The following EPM2A variants were observed in gnomAD, a reference collection of about 807,000 sequenced individuals.
The protein encoded by EPM2A is laforin.
In EPM2A, 21 loss-of-function variants were observed where a neutral mutation model predicts 26.5. The ratio of observed to expected loss-of-function variants is 0.79; its 90% confidence interval spans 0.56 to 1.14. The LOEUF is 1.14. EPM2A is among the 50% of genes most tolerant of loss of function. The probability of loss-of-function intolerance (pLI) is 0.00; values close to 1 mark genes in which losing one functional copy is unlikely to be tolerated. For synonymous variants in EPM2A, 217 were observed against 177.6 expected (o/e 1.22, Z -1.76); for missense variants, 458 against 440.8 (o/e 1.04, Z -0.35).
chr6:145,635,508 AACTATC>A, intron 2 of EPM2A, 22 bp from the exon 3 acceptor site: 1 of 1,613,280 alleles, frequency 6.2e-7, no homozygotes, highest in East Asian at 2.2e-5. Flanking sequence ...ATATGGAGAC[AACTATC>A]ACTAGTGTTG....
intron 1 of EPM2A, 83 bp from the exon 2 acceptor site, chr6:145,686,379 T>C (rs1429100630): frequency 3.7e-6 from 4 of 1,090,458 alleles, no homozygotes; most frequent in Non-Finnish European, 5.6e-6. Flanking sequence ...ACAAAATTAA[T>C]AGCAAGAAAA....
exon 5 of EPM2A, chr6:145,383,925 T>C (rs1268283123): frequency 6.6e-6 from 1 of 152,214 alleles, no homozygotes; most frequent in Non-Finnish European, 1.5e-5. Flanking sequence ...TGTTAAATCA[T>C]GTTGATAGAT....
intron 1 of EPM2A, among the ~76,000 whole-genome samples, chr6:145,733,118 T>A (rs1412660593): frequency 6.6e-6 from 1 of 152,196 alleles, no homozygotes; most frequent in Non-Finnish European, 1.5e-5. Flanking sequence ...ATAAATTATA[T>A]AAAACTTGAT....
At chr6:145,653,741 G>A (rs771692698) in intron 2 of EPM2A, among the ~76,000 whole-genome samples, 52 of 152,158 alleles carry the variant, frequency 3.4e-4, no homozygotes, top group East Asian at 7.7e-4. Flanking sequence ...CCTCTTCTGG[G>A]GAAGTCAGTC....
intron 2 of EPM2A, among the ~76,000 whole-genome samples, chr6:145,538,170 G>T (rs1780458879): frequency 6.6e-6 from 1 of 152,064 alleles, no homozygotes; most frequent in Admixed American, 6.6e-5. Flanking sequence ...GATCCTTGAG[G>T]AATCACCACA....
chr6:145,687,189 G>A (rs954184487), intron 1 of EPM2A, among the ~76,000 whole-genome samples: 1 of 152,086 alleles, frequency 6.6e-6, no homozygotes, highest in African/African-American at 2.4e-5. Context: ...AGGTCATGAA[G>A]AAGAACCCTC....
intron 2 of EPM2A, among the ~76,000 whole-genome samples, chr6:145,533,921 A>T (rs1582831219): frequency 6.6e-6 from 1 of 152,182 alleles, no homozygotes; most frequent in Non-Finnish European, 1.5e-5. Flanking sequence ...ATATTGGTGT[A>T]TCTCTAGCAA....
At chr6:145,615,893 G>A (rs764644353) in intron 2 of EPM2A, among the ~76,000 whole-genome samples, 5 of 152,082 alleles carry the variant, frequency 3.3e-5, no homozygotes, top group South Asian at 2.1e-4. Flanking sequence ...GATGTGACTC[G>A]GGTGCTGTTA....
chr6:145,541,581 G>A (rs559682043), intron 2 of EPM2A, among the ~76,000 whole-genome samples: 8 of 152,082 alleles, frequency 5.3e-5, no homozygotes, highest in Non-Finnish European at 7.4e-5. Flanking sequence ...GTGTCAAAAC[G>A]AGTCAAGAAT....
intron 4 of EPM2A, among the ~76,000 whole-genome samples, chr6:145,447,180 A>C (rs1779138124): frequency 6.6e-6 from 1 of 152,164 alleles, no homozygotes; most frequent in Non-Finnish European, 1.5e-5. Flanking sequence ...CTGAAGGAAG[A>C]AATAAAAGAA....
intron 2 of EPM2A, among the ~76,000 whole-genome samples, chr6:145,681,047 G>T (rs1780490171): frequency 6.6e-6 from 1 of 152,144 alleles, no homozygotes; most frequent in African/African-American, 2.4e-5. Flanking sequence ...ATCCTCTCCA[G>T]CACCTGTTGT....
intron 4 of EPM2A, among the ~76,000 whole-genome samples, chr6:145,423,452 T>C (rs1778815257): frequency 6.6e-6 from 1 of 152,116 alleles, no homozygotes; most frequent in African/African-American, 2.4e-5. Context: ...TATGAGATGG[T>C]ACCTAAGATA....
intron 2 of EPM2A, among the ~76,000 whole-genome samples, chr6:145,642,660 A>G (rs75291044): frequency 0.022 from 3,410 of 152,312 alleles, 47 homozygotes; most frequent in Admixed American, 0.031. Flanking sequence ...GATTTTAGAT[A>G]AGACAGGAAG....
At chr6:145,459,141 C>A (rs1371312202) in intron 4 of EPM2A, among the ~76,000 whole-genome samples, 1 of 152,116 alleles carries the variant, frequency 6.6e-6, no homozygotes, top group Admixed American at 6.5e-5. Context: ...GAACACAACT[C>A]TGAATACAGT....
At position 145,442,842 on chromosome 6, in the gene EPM2A, G is replaced by T. The variant is rs563086831; in HGVS notation, c.556-58745C>A. ...GTAGTACAGTTTGAAGTTTCACAAG[G>T]TTATTCTTTGTTCTTTCTTACTATT... On this transcript the variant is annotated intron_variant, in intron 4 of 4. Coordinates refer to the EPM2A transcript ENST00000638717. 6.1e-5 allele frequency among the ~76,000 whole-genome samples: 9 copies of T among 147,036 alleles called. No homozygotes were observed. In the South Asian group the frequency reaches 2.0e-3, roughly 33 times the overall value.
chr6:145,393,782 C>T (rs1778368585), intron 4 of EPM2A, among the ~76,000 whole-genome samples: 1 of 151,828 alleles, frequency 6.6e-6, no homozygotes, highest in African/African-American at 2.4e-5. Context: ...GTAACCAAAC[C>T]ATAAAAATGG....
intron 4 of EPM2A, among the ~76,000 whole-genome samples, chr6:145,406,956 G>A (rs947033783): frequency 2.6e-5 from 4 of 152,068 alleles, no homozygotes; most frequent in Non-Finnish European, 5.9e-5. Context: ...GCAAACATTT[G>A]CCAAAGGAAA....
intron 2 of EPM2A, among the ~76,000 whole-genome samples, chr6:145,652,151 G>A (rs977886191): frequency 2.0e-5 from 3 of 151,920 alleles, no homozygotes; most frequent in South Asian, 2.1e-4. Context: ...AACAAATATC[G>A]AAAAGCACTT....
chr6:145,528,830 A>AAATT (rs1386894658), intron 2 of EPM2A, among the ~76,000 whole-genome samples: 1 of 152,164 alleles, frequency 6.6e-6, no homozygotes, highest in African/African-American at 2.4e-5. Context: ...GTCTGGGGAA[A>AAATT]GTAAATTGAA....
Sources: gnomAD v4.1 joint callset for allele counts (sites outside exome capture counted in the v4.1 genomes callset) on GRCh38, gnomAD v4.1.1 for gene constraint, MANE v1.5 for transcripts, NCBI Gene and HGNC (gene_info 2026-07-23, HGNC 2026-07-21) for gene names.